The following NTRK2 variants were observed in gnomAD, a reference collection of about 807,000 sequenced individuals.
The protein encoded by NTRK2 is neurotrophic receptor tyrosine kinase 2.
In NTRK2, 13 loss-of-function variants were observed where a neutral mutation model predicts 94.5. The ratio of observed to expected loss-of-function variants is 0.14; its 90% CI spans 0.09 to 0.22. The LOEUF is 0.22. Ranked by LOEUF, NTRK2 falls within the 10% of genes least tolerant of loss-of-function variation. The pLI is 1.00. For missense variants in NTRK2, 639 were observed against 1,071.2 expected, an observed-to-expected ratio of 0.60 and a Z score of 5.63; for synonymous variants, 372 against 407.4, an observed-to-expected ratio of 0.91 and a Z score of 1.05.
At chr9:85,012,596 A>T (rs1481371995) in intron 17 of NTRK2, among the ~76,000 whole-genome samples, 1 of 152,250 alleles carries the variant, frequency 6.6e-6, no homozygotes, top group East Asian at 1.9e-4. Context: ...CAATATTTTG[A>T]AGTTGGCACA....
chr9:84,749,629 A>G (rs1564185226), intron 11 of NTRK2, among the ~76,000 whole-genome samples: 1 of 152,178 alleles, frequency 6.6e-6, no homozygotes, highest in Non-Finnish European at 1.5e-5. Flanking sequence ...TTAATTTATT[A>G]TATATTGTAG....
At chr9:84,725,633 ATG>A (rs2062393769) in intron 8 of NTRK2, among the ~76,000 whole-genome samples, 1 of 140,458 alleles carries the variant, frequency 7.1e-6, no homozygotes, top group Non-Finnish European at 1.6e-5. Flanking sequence ...ATATATATAT[ATG>A]TACATTATAT....
chr9:84,800,066 G>A (rs917288577), intron 12 of NTRK2, among the ~76,000 whole-genome samples: 6 of 152,164 alleles, frequency 3.9e-5, no homozygotes, highest in South Asian at 2.1e-4. Context: ...AGCTGCTGCC[G>A]GAAGATGGAA....
chr9:84,917,095 C>T (rs1008965978), intron 14 of NTRK2, among the ~76,000 whole-genome samples: 6 of 152,114 alleles, frequency 3.9e-5, no homozygotes, highest in African/African-American at 1.4e-4. Context: ...ACAAATGAGC[C>T]TGCTGTTTGG....
At chr9:84,786,389 G>A (rs2068112703) in intron 12 of NTRK2, among the ~76,000 whole-genome samples, 1 of 152,056 alleles carries the variant, frequency 6.6e-6, no homozygotes, top group African/African-American at 2.4e-5. Context: ...GTGTGTAGGG[G>A]GTGAGTGGCA....
At chr9:84,907,670 G>T (rs867593314) in intron 14 of NTRK2, among the ~76,000 whole-genome samples, 1 of 150,848 alleles carries the variant, frequency 6.6e-6, no homozygotes, top group African/African-American at 2.4e-5. Flanking sequence ...TTGCCTCTTC[G>T]GAGGCATTAC....
intron 13 of NTRK2, among the ~76,000 whole-genome samples, chr9:84,864,706 G>A (rs978012743): frequency 1.3e-5 from 2 of 151,074 alleles, no homozygotes; most frequent in African/African-American, 4.9e-5. Context: ...GACAAGATGC[G>A]GAAACCTTAG....
chr9:84,845,284 C>CACACACAT (rs778468048), intron 12 of NTRK2, among the ~76,000 whole-genome samples: 1 of 146,974 alleles, frequency 6.8e-6, no homozygotes, highest in Non-Finnish European at 1.5e-5. Context: ...CACACACACA[C>CACACACAT]GGCTATCACT....
At chr9:85,008,864 T>C (rs1342007984) in intron 17 of NTRK2, among the ~76,000 whole-genome samples, 24 of 152,246 alleles carry the variant, frequency 1.6e-4, no homozygotes, top group Admixed American at 1.4e-3. Context: ...CGCCTGAATG[T>C]TTCCTTTTCC....
intron 14 of NTRK2, chr9:84,874,769 C>T (rs202047939): frequency 1.6e-5 from 17 of 1,059,476 alleles, no homozygotes; most frequent in Non-Finnish European, 1.9e-5. Context: ...ATCCATTCTG[C>T]CCTTTGTTTG....
intron 12 of NTRK2, among the ~76,000 whole-genome samples, chr9:84,755,953 C>A (rs1055230449): frequency 2.0e-5 from 3 of 152,044 alleles, no homozygotes; most frequent in African/African-American, 7.2e-5. Context: ...TATTTCTGTG[C>A]CTTTACACTG....
intron 12 of NTRK2, among the ~76,000 whole-genome samples, chr9:84,845,528 A>G (rs1455100965): frequency 6.6e-6 from 1 of 151,570 alleles, no homozygotes; most frequent in African/African-American, 2.4e-5. Flanking sequence ...CAAGCTTCCA[A>G]GCTCAAAGAT....
intron 14 of NTRK2, among the ~76,000 whole-genome samples, chr9:84,900,056 G>A (rs1035657828): frequency 3.3e-5 from 5 of 152,168 alleles, no homozygotes. Context: ...GGCATCTCAA[G>A]TAAAAGGAAC....
chr9:84,976,990 T>C (rs1263088388), intron 17 of NTRK2, among the ~76,000 whole-genome samples: 1 of 152,244 alleles, frequency 6.6e-6, no homozygotes, highest in African/African-American at 2.4e-5. Context: ...CACTTGATTC[T>C]TATTATTCAC....
chr9:84,942,259 G>A (rs930585603), intron 15 of NTRK2, among the ~76,000 whole-genome samples: 2 of 152,018 alleles, frequency 1.3e-5, no homozygotes, highest in South Asian at 2.1e-4. Context: ...TTCTATCCAC[G>A]AATTCATTAA....
intron 14 of NTRK2, among the ~76,000 whole-genome samples, chr9:84,905,981 C>T (rs1219152503): frequency 6.6e-6 from 1 of 152,122 alleles, no homozygotes. Flanking sequence ...AGTGGAAGCT[C>T]AGGCTTGGGG....
intron 17 of NTRK2, among the ~76,000 whole-genome samples, chr9:84,956,619 A>T (rs897852863): frequency 6.6e-6 from 1 of 152,194 alleles, no homozygotes. Flanking sequence ...AAAGCACAGA[A>T]CTGGCTACCT....
At chr9:84,699,816 T>C (rs564786600) in intron 2 of NTRK2, among the ~76,000 whole-genome samples, 1 of 152,344 alleles carries the variant, frequency 6.6e-6, no homozygotes, top group African/African-American at 2.4e-5. Context: ...TCTCTACCCC[T>C]GTCTTTCTCT....
rs1322964897 is a variant in NTRK2 at position 84,844,563 on chromosome 9, G to T, written c.1397-16477G>T. On this transcript the variant is annotated intron_variant, in intron 12 of 18. Coordinates refer to ENST00000277120, the MANE Select transcript of NTRK2 (RefSeq NM_006180.6). ...ATAAACAGCTGACATTTCTGAAGGG[G>T]AACTGAGAAGCACAGTAACTGTAAG... 3.3e-5 allele frequency among the ~76,000 whole-genome samples: 5 copies of T among 151,756 alleles called. No homozygotes were observed. The South Asian group carries it at 1.0e-3, about 32-fold the overall frequency.
Sources: allele counts gnomAD v4.1 joint callset (sites outside exome capture counted in the v4.1 genomes callset), GRCh38; gene constraint gnomAD v4.1.1; transcripts MANE v1.5; gene names NCBI Gene and HGNC (gene_info 2026-07-23, HGNC 2026-07-21).